Variants in ADAMTS9 observed in about 807,000 individuals in gnomAD.
ADAMTS9 encodes ADAM metallopeptidase with thrombospondin type 1 motif 9, also known as A disintegrin and metalloproteinase with thrombospondin motifs 9.
A neutral mutation model predicts 257.1 loss-of-function variants in ADAMTS9; 107 were observed. The observed-to-expected ratio is 0.42, with a 90% CI of 0.36 to 0.49. The LOEUF (loss-of-function observed/expected upper bound fraction) is 0.49, where lower values mean the gene tolerates loss of function less well. Among genes scored for constraint, ADAMTS9 ranks in the 20% least tolerant of loss-of-function variants. The pLI, the probability that ADAMTS9 is intolerant of heterozygous loss-of-function variation, is 0.03. For missense variants in ADAMTS9, 2,353 were observed against 2,469.1 expected (o/e 0.95, Z 1.00); for synonymous variants, 982 against 880.9 (o/e 1.11, Z -2.03).
intron 3 of ADAMTS9, among the ~76,000 whole-genome samples, chr3:64,664,299 C>T (rs1157337955): frequency 1.3e-5 from 2 of 151,904 alleles, no homozygotes; most frequent in Non-Finnish European, 2.9e-5. Flanking sequence ...ATTTATATAC[C>T]ATACAATTTT....
intron 27 of ADAMTS9, among the ~76,000 whole-genome samples, chr3:64,596,021 AATT>A (rs2084358299): frequency 6.6e-6 from 1 of 152,188 alleles, no homozygotes; most frequent in Admixed American, 6.5e-5. Flanking sequence ...TATTATTAAT[AATT>A]ATTCTTAACA....
At chr3:64,632,095 T>C (rs534898961) in intron 14 of ADAMTS9, among the ~76,000 whole-genome samples, 170 bp from the exon 15 acceptor site, 2 of 152,302 alleles carry the variant, frequency 1.3e-5, no homozygotes, top group South Asian at 4.1e-4. Flanking sequence ...ATTTAAAATG[T>C]GGTCCTTGGA....
In ADAMTS9 at chr3:64,539,263, T is replaced by G. The variant is rs761165505; in HGVS notation, c.5553A>C (p.Glu1851Asp). 3.1e-6 allele frequency: 5 copies of G among 1,614,070 alleles called. No individual in the cohort carries two copies. Among genetic ancestry groups the G allele is most frequent in the Non-Finnish European group, 4.2e-6 (5 of 1,179,954 alleles). ...TTDLQFARTS[E>D]GHPVPFATAG... ...CTGTGGCAAAAGGGACGGGATGTCC[T>G]TCGCTTGTCCTTGCAAACTGTAAGT... Residue 1851 changes from glutamate (E) to aspartate (D), a missense_variant, in exon 37 of 40, where the codon GAA becomes GAC. Transcript: ENST00000498707.
chr3:64,521,154 C>T (rs1183599401), intron 39 of ADAMTS9, among the ~76,000 whole-genome samples: 2 of 152,120 alleles, frequency 1.3e-5, no homozygotes, highest in Admixed American at 1.3e-4. Flanking sequence ...ACAGACACTT[C>T]TCAAAAGAAG....
At chr3:64,652,430 A>C (rs1700953479) in intron 8 of ADAMTS9, among the ~76,000 whole-genome samples, 1 of 152,206 alleles carries the variant, frequency 6.6e-6, no homozygotes, top group African/African-American at 2.4e-5. Context: ...CTTGGTTTCC[A>C]GTTCCCTGAT....
At chr3:64,628,757 C>G (rs1021478671) in intron 16 of ADAMTS9, among the ~76,000 whole-genome samples, 1 of 152,134 alleles carries the variant, frequency 6.6e-6, no homozygotes, top group African/African-American at 2.4e-5. Context: ...CAAGCTAACC[C>G]CATTCTCCAT....
At chr3:64,542,193 T>C (rs945621042) in intron 32 of ADAMTS9, among the ~76,000 whole-genome samples, 2 of 150,676 alleles carry the variant, frequency 1.3e-5, no homozygotes, top group African/African-American at 2.4e-5. Flanking sequence ...AACATATATA[T>C]GTATAAAACA....
intron 19 of ADAMTS9, among the ~76,000 whole-genome samples, chr3:64,617,552 A>G (rs1352179863): frequency 2.0e-5 from 3 of 152,164 alleles, no homozygotes; most frequent in Non-Finnish European, 4.4e-5. Flanking sequence ...ATTTCAAGGG[A>G]CATAAAATAC....
At chr3:64,628,559 T>C (rs577796648) in intron 16 of ADAMTS9, among the ~76,000 whole-genome samples, 3 of 152,010 alleles carry the variant, frequency 2.0e-5, no homozygotes, top group African/African-American at 7.3e-5. Context: ...ATTCTGCAGC[T>C]GTGCAAGGAG....
intron 38 of ADAMTS9, among the ~76,000 whole-genome samples, chr3:64,529,920 C>T (rs34892332): frequency 0.62 from 94,207 of 151,190 alleles, 34,768 homozygotes; most frequent in Non-Finnish European, 0.85. Context: ...CCAGGCTCAT[C>T]CTCACCTCAG....
chr3:64,658,467 G>T (rs1327411543), intron 4 of ADAMTS9, 35 bp downstream of exon 4: 2 of 1,581,890 alleles, frequency 1.3e-6, no homozygotes, highest in Non-Finnish European at 1.7e-6. Context: ...CACATTTAGA[G>T]ACCTCATAAA....
chr3:64,566,751 G>C (rs1408486131), intron 29 of ADAMTS9, among the ~76,000 whole-genome samples: 1 of 150,904 alleles, frequency 6.6e-6, no homozygotes, highest in Non-Finnish European at 1.5e-5. Flanking sequence ...AGAGGCCAAG[G>C]AACATTAAAA....
chr3:64,675,279 A>T (rs1701597894), intron 3 of ADAMTS9, among the ~76,000 whole-genome samples: 1 of 152,182 alleles, frequency 6.6e-6, no homozygotes, highest in Non-Finnish European at 1.5e-5. Flanking sequence ...AAGTGCCTGG[A>T]ACAGAGGCTA....
intron 28 of ADAMTS9, among the ~76,000 whole-genome samples, chr3:64,577,000 C>T (rs1285758978): frequency 6.6e-6 from 1 of 152,116 alleles, no homozygotes; most frequent in East Asian, 1.9e-4. Context: ...TTCGATCTCA[C>T]AATGTAACAA....
rs1297434450 is a variant in ADAMTS9, at chr3:64,585,091, G to A, written c.4356+9167C>T. On this transcript the variant is annotated intron_variant, in intron 28 of 39. Coordinates refer to ENST00000498707, the MANE Select transcript of ADAMTS9 (RefSeq NM_182920.2). ...TTATAGTATGCCTAGTTTGAGAGAGGCACCCAGTTTGAACTGTGGGTTTCA... is the reference window on the plus strand; with the variant it reads ...TTATAGTATGCCTAGTTTGAGAGAGACACCCAGTTTGAACTGTGGGTTTCA... Among the ~76,000 whole-genome samples, 3 of 152,098 alleles carry A rather than the reference G, an allele frequency of 2.0e-5. No individual in the cohort carries two copies. In the East Asian group the frequency reaches 5.8e-4, roughly 29 times the overall value.
intron 28 of ADAMTS9, among the ~76,000 whole-genome samples, chr3:64,586,195 G>C (rs1290673876): frequency 6.6e-6 from 1 of 152,088 alleles, no homozygotes; most frequent in East Asian, 1.9e-4. Flanking sequence ...TCATCATGTA[G>C]AGAGGATTAA....
chr3:64,666,397 T>G (rs1701354803), intron 3 of ADAMTS9, among the ~76,000 whole-genome samples: 1 of 152,222 alleles, frequency 6.6e-6, no homozygotes, highest in Non-Finnish European at 1.5e-5. Context: ...GGCGCTGGGC[T>G]ACCTTGTGAC....
At chr3:64,532,425 G>A (rs915006014) in intron 38 of ADAMTS9, among the ~76,000 whole-genome samples, 4 of 152,152 alleles carry the variant, frequency 2.6e-5, no homozygotes, top group East Asian at 1.9e-4. Context: ...ACCTGAAGTA[G>A]GGTTTCTACC....
chr3:64,568,559 G>T, intron 28 of ADAMTS9, 24 bp from the exon 29 acceptor site: 1 of 1,606,928 alleles, frequency 6.2e-7, no homozygotes, highest in Non-Finnish European at 8.5e-7. Flanking sequence ...CAATGGCAAG[G>T]TTGTTGTTGT....
Sources: allele counts gnomAD v4.1 joint callset (sites outside exome capture counted in the v4.1 genomes callset), GRCh38; gene constraint gnomAD v4.1.1; transcripts MANE v1.5; gene names NCBI Gene and HGNC (gene_info 2026-07-23, HGNC 2026-07-21).